MYZAP: variants seen among roughly 807,000 people sequenced by gnomAD.
MYZAP encodes the protein myocardial zonula adherens protein, also known as GRINL1A complex locus upstream.
A neutral mutation model predicts 69.4 loss-of-function variants in MYZAP; 66 were observed. That is an observed-to-expected ratio of 0.95 (90% CI 0.78 to 1.17). The LOEUF (loss-of-function observed/expected upper bound fraction) is 1.17, where lower values mean the gene tolerates loss of function less well. Ranked by LOEUF, MYZAP falls within the 50% of genes most tolerant of loss-of-function variation. The pLI is 0.00. For missense variants in MYZAP, 611 were observed against 556.2 expected, an observed-to-expected ratio of 1.10 and a Z score of -0.99; for synonymous variants, 256 against 205.9, an observed-to-expected ratio of 1.24 and a Z score of -2.09.
rs748691063 is a variant in MYZAP at position 57,633,608 on chromosome 15, T to G, written c.805-5T>G. ...TGTACTTAGGAGGGTATATTTCTTT[T>G]GCAGGAAGAAACCAATAGTTTTCTG... On this transcript the variant is annotated splice_region_variant and splice_polypyrimidine_tract_variant and intron_variant, in intron 7 of 12. Coordinates refer to ENST00000267853, the MANE Select transcript of MYZAP (RefSeq NM_001018100.5). The G allele has an allele frequency of 5.6e-6, 9 of 1,611,212 alleles. No homozygotes were observed. Among genetic ancestry groups the G allele is most frequent in the Admixed American group, 1.7e-5 (1 of 59,722 alleles).
intron 12 of MYZAP, among the ~76,000 whole-genome samples, chr15:57,676,532 A>G (rs1459816884): frequency 1.3e-5 from 2 of 150,900 alleles, no homozygotes; most frequent in Non-Finnish European, 2.9e-5. Flanking sequence ...AATATAACCA[A>G]AAAGAACGAT....
chr15:57,616,822 C>CTTTT lies in MYZAP; in HGVS notation c.163-1189_163-1186dup, dbSNP rs763856721. 6.9e-3 allele frequency among the ~76,000 whole-genome samples: 345 copies of CTTTT among 50,050 alleles called. 38 individuals are homozygous for CTTTT. The highest frequency in any genetic ancestry group is 0.052 in the Middle Eastern group (3 of 58). The allele number at this position is 50,050 out of a possible 152,430, so 32.8% of individuals were successfully genotyped here. ...GAGACTCCATCTAAAAAAAAAAGTG[C>CTTTT]TTTTTTTTTTTTTTTTTTTTTTTTT... On this transcript the variant is annotated intron_variant, in intron 2 of 12. Coordinates refer to ENST00000267853, the MANE Select transcript of MYZAP (RefSeq NM_001018100.5).
chr15:57,678,315 T>C (rs921344070), intron 12 of MYZAP, among the ~76,000 whole-genome samples: 3 of 152,084 alleles, frequency 2.0e-5, no homozygotes, highest in African/African-American at 7.2e-5. Context: ...TGAGCCAAGA[T>C]CATGCCCCTG....
chr15:57,621,667 A>G lies in MYZAP; in HGVS notation c.378A>G (p.Arg126=), dbSNP rs2035827468. ...TGTATGGAGACTATGATGAGATGAGACAGAAGATTCGACAGCTCACCCAGG... is the reference window on the plus strand; with the variant it reads ...TGTATGGAGACTATGATGAGATGAGGCAGAAGATTCGACAGCTCACCCAGG... ...KRMYGDYDEM[R]QKIRQLTQEL... The change falls in exon 4 of 13, where the codon AGA becomes AGG. Residue 126 remains arginine, a synonymous_variant. Coordinates refer to ENST00000267853, the MANE Select transcript of MYZAP (RefSeq NM_001018100.5). 1.2e-6 allele frequency: 2 copies of G among 1,614,036 alleles called. No individual in the cohort carries two copies. Among genetic ancestry groups the G allele is most frequent in the Non-Finnish European group, 8.5e-7 (1 of 1,179,924 alleles).
chr15:57,609,761 C>T (rs187200283), intron 2 of MYZAP, among the ~76,000 whole-genome samples: 2 of 152,222 alleles, frequency 1.3e-5, no homozygotes, highest in African/African-American at 2.4e-5. Flanking sequence ...TTTGTGGGCA[C>T]AAATTACATG....
At chr15:57,596,093 C>G (rs2034039819) in intron 1 of MYZAP, among the ~76,000 whole-genome samples, 1 of 152,190 alleles carries the variant, frequency 6.6e-6, no homozygotes, top group Non-Finnish European at 1.5e-5. Flanking sequence ...ATGAACAGAC[C>G]TGAATTCTGG....
At chr15:57,679,373 TG>T (rs1567244241) in intron 12 of MYZAP, among the ~76,000 whole-genome samples, 1,499 of 54,872 alleles carry the variant, frequency 0.027, 29 homozygotes, top group African/African-American at 0.061. Flanking sequence ...TGTGTGTGTG[TG>T]TTTCTCTCTC....
At chr15:57,673,732 A>G (rs532211529) in intron 11 of MYZAP, among the ~76,000 whole-genome samples, 2 of 152,284 alleles carry the variant, frequency 1.3e-5, no homozygotes, top group East Asian at 1.9e-4. Flanking sequence ...CTTGGTATCA[A>G]CCTTTCAGAG....
intron 11 of MYZAP, among the ~76,000 whole-genome samples, chr15:57,666,319 C>A (rs1335598090): frequency 1.3e-5 from 2 of 152,200 alleles, no homozygotes; most frequent in African/African-American, 4.8e-5. Flanking sequence ...AGGGAACACC[C>A]TCTACCTGAT....
chr15:57,631,628 A>C (rs1235310276), intron 6 of MYZAP, among the ~76,000 whole-genome samples: 1 of 152,166 alleles, frequency 6.6e-6, no homozygotes, highest in African/African-American at 2.4e-5. Context: ...TCTGCTCAGG[A>C]CTTTCCACTT....
intron 1 of MYZAP, among the ~76,000 whole-genome samples, chr15:57,593,185 G>GGCGCATGCGCGCGCGCGCGCGCGC (rs374704790): frequency 6.3e-5 from 2 of 31,676 alleles, no homozygotes; most frequent in African/African-American, 4.3e-4. Flanking sequence ...TGTGTACACA[G>GGCGCATGCGCGCGCGCGCGCGCGC]GCGCACACAC....
At chr15:57,609,515 A>G (rs974211522) in intron 2 of MYZAP, among the ~76,000 whole-genome samples, 9 of 152,154 alleles carry the variant, frequency 5.9e-5, no homozygotes, top group Non-Finnish European at 1.3e-4. Context: ...AGGGACACCA[A>G]TAGGGCCCAG....
intron 10 of MYZAP, chr15:57,646,139 C>T (rs2037433839): frequency 7.8e-7 from 1 of 1,289,106 alleles, no homozygotes; most frequent in Non-Finnish European, 1.0e-6. Flanking sequence ...GTCTCCAGAT[C>T]ATGTCGCACG....
chr15:57,646,310 A>T (rs984943564), intron 10 of MYZAP: 1 of 1,222,934 alleles, frequency 8.2e-7, no homozygotes, highest in Non-Finnish European at 1.0e-6. Context: ...AATGAACAAA[A>T]CAGGAAGGAC....
At position 57,667,676 on chromosome 15, in the gene MYZAP, T is replaced by G. The variant is rs905988397; in HGVS notation, c.1203+6143T>G. 2.6e-5 allele frequency among the ~76,000 whole-genome samples: 4 copies of G among 152,336 alleles called. No individual in the cohort carries two copies. In the South Asian group the frequency reaches 6.2e-4, roughly 24 times the overall value. ...TGTCCCACGCTCTCTAACTCTCCTC[T>G]TACTGCCCATGTTCAGGCTCTCATC... is the stretch of plus-strand genomic sequence containing the variant. On this transcript the variant is annotated intron_variant, in intron 11 of 12. Coordinates refer to ENST00000267853, the MANE Select transcript of MYZAP (RefSeq NM_001018100.5).
In MYZAP at chr15:57,598,343, AG is replaced by A. The variant is rs150976179; in HGVS notation, c.76-5920del. ...CTGTCCCTCCCTTGCTATCCTTCCC[AG>A]GGGGGTTGGTTTCAAGAAAGTGCAA... On this transcript the variant is annotated intron_variant, in intron 1 of 12. Transcript: ENST00000267853. Among the ~76,000 whole-genome samples the A allele has an allele frequency of 9.8e-3, 1,490 of 152,202 alleles. 18 individuals are homozygous for A. The highest frequency in any genetic ancestry group is 0.032 in the African/African-American group (1,315 of 41,526).
intron 4 of MYZAP, among the ~76,000 whole-genome samples, chr15:57,623,381 T>G (rs2035935322): frequency 3.9e-5 from 6 of 152,342 alleles, no homozygotes; most frequent in Middle Eastern, 3.4e-3. Context: ...AGGATAGATT[T>G]ATTTATTGTA....
At chr15:57,614,352 G>A (rs1179856101) in intron 2 of MYZAP, among the ~76,000 whole-genome samples, 1 of 152,240 alleles carries the variant, frequency 6.6e-6, no homozygotes, top group Non-Finnish European at 1.5e-5. Flanking sequence ...GGGAAGCAGG[G>A]CTTCCCCACA....
At chr15:57,602,313 G>T (rs1024604516) in intron 1 of MYZAP, among the ~76,000 whole-genome samples, 2 of 152,162 alleles carry the variant, frequency 1.3e-5, no homozygotes, top group Admixed American at 6.5e-5. Context: ...TAAGGTGTTG[G>T]CAAGGTTGGT....
Sources: gnomAD v4.1 joint callset for allele counts (sites outside exome capture counted in the v4.1 genomes callset) on GRCh38, gnomAD v4.1.1 for gene constraint, MANE v1.5 for transcripts, NCBI Gene and HGNC (gene_info 2026-07-23, HGNC 2026-07-21) for gene names.